The following PARD3 variants were observed in gnomAD, a reference collection of about 807,000 sequenced individuals.
The protein encoded by PARD3 is par-3 family cell polarity regulator.
In PARD3, 75 loss-of-function variants were observed where a neutral mutation model predicts 155.4. That is an observed-to-expected ratio of 0.48 (90% CI 0.40 to 0.58). The LOEUF is 0.58. PARD3 is among the 20% of genes least tolerant of loss of function. The pLI is 0.00. For synonymous variants in PARD3, 576 were observed against 610.5 expected (o/e 0.94, Z 0.83); for missense variants, 1,642 against 1,721.7 (o/e 0.95, Z 0.82).
intron 2 of PARD3, among the ~76,000 whole-genome samples, chr10:34,646,968 T>A (rs1368251047): frequency 6.6e-6 from 1 of 152,244 alleles, no homozygotes; most frequent in East Asian, 1.9e-4. Flanking sequence ...GATGGTCTCA[T>A]AACATGTTTG....
At chr10:34,418,931 A>C (rs987137700) in intron 5 of PARD3, among the ~76,000 whole-genome samples, 2 of 121,684 alleles carry the variant, frequency 1.6e-5, no homozygotes, top group Admixed American at 7.3e-5. Context: ...TCACCATAAC[A>C]GGCTAATTTT....
intron 21 of PARD3, among the ~76,000 whole-genome samples, chr10:34,276,845 C>T (rs1264295684): frequency 1.3e-5 from 2 of 152,112 alleles, no homozygotes; most frequent in South Asian, 2.1e-4. Context: ...TCTCTTTTTA[C>T]ATGTTGTATT....
chr10:34,506,067 G>A (rs974657650), intron 3 of PARD3, among the ~76,000 whole-genome samples: 5 of 151,912 alleles, frequency 3.3e-5, no homozygotes, highest in African/African-American at 9.7e-5. Flanking sequence ...TGGAAGTCGC[G>A]GTGAGCCGAG....
chr10:34,760,336 T>C (rs1369726631), intron 1 of PARD3, among the ~76,000 whole-genome samples: 1 of 152,092 alleles, frequency 6.6e-6, no homozygotes, highest in Non-Finnish European at 1.5e-5. Context: ...TCTACTACTT[T>C]TTTTGTTTGT....
intron 22 of PARD3, among the ~76,000 whole-genome samples, chr10:34,157,150 A>G (rs1266935107): frequency 6.6e-6 from 1 of 152,234 alleles, no homozygotes; most frequent in Non-Finnish European, 1.5e-5. Flanking sequence ...AGAGATCTGC[A>G]CACTTGCTAG....
chr10:34,189,010 G>A (rs1307690818), intron 22 of PARD3, among the ~76,000 whole-genome samples: 3 of 151,972 alleles, frequency 2.0e-5, no homozygotes, highest in South Asian at 4.2e-4. Flanking sequence ...GAGGTTTTAC[G>A]AGGTCAAAAG....
chr10:34,587,763 T>C (rs987993905), intron 2 of PARD3, among the ~76,000 whole-genome samples: 2 of 152,172 alleles, frequency 1.3e-5, no homozygotes, highest in Admixed American at 1.3e-4. Flanking sequence ...TGTAAAACCA[T>C]GACTAGTTAG....
intron 1 of PARD3, among the ~76,000 whole-genome samples, chr10:34,791,719 A>G (rs1379346509): frequency 6.6e-6 from 1 of 152,096 alleles, no homozygotes; most frequent in African/African-American, 2.4e-5. Context: ...TAGTCACTGT[A>G]GTCCTAGCAC....
intron 22 of PARD3, among the ~76,000 whole-genome samples, chr10:34,196,698 C>T (rs1051406932): frequency 1.3e-5 from 2 of 151,582 alleles, no homozygotes; most frequent in Non-Finnish European, 2.9e-5. Flanking sequence ...CTCAGCCTCC[C>T]GAGTAGCTGG....
chr10:34,411,956 G>A lies in PARD3; in HGVS notation c.715-10039C>T, dbSNP rs932170129. 6.7e-3 allele frequency among the ~76,000 whole-genome samples: 767 copies of A among 114,066 alleles called. 12 individuals are homozygous for A. Among genetic ancestry groups the A allele is most frequent in the African/African-American group, 0.025 (735 of 29,526 alleles). 74.8% of individuals were successfully genotyped at this position (114,066 alleles called of 152,430 possible). ...TGTGTGTGTGTGTGTGTGTGTGTGT[G>A]TGTGTGTATTTCCTCCTTTTTTAAG... On this transcript the variant is annotated intron_variant, in intron 5 of 24. Coordinates refer to ENST00000374788, the MANE Select transcript of PARD3 (RefSeq NM_001184785.2).
chr10:34,360,336 G>A, intron 12 of PARD3, 77 bp from the exon 13 acceptor site: 1 of 1,053,154 alleles, frequency 9.5e-7, no homozygotes. Flanking sequence ...GACTGCTAAT[G>A]AGCAGTTCCT....
intron 22 of PARD3, among the ~76,000 whole-genome samples, chr10:34,185,553 T>A (rs1262008220): frequency 6.6e-6 from 1 of 152,142 alleles, no homozygotes; most frequent in African/African-American, 2.4e-5. Context: ...GTTCATGGGC[T>A]CATATCTCAA....
At chr10:34,541,413 T>C (rs1266420866) in intron 2 of PARD3, among the ~76,000 whole-genome samples, 1 of 152,236 alleles carries the variant, frequency 6.6e-6, no homozygotes, top group East Asian at 1.9e-4. Context: ...TCTATATTCC[T>C]GAAGGGACAA....
chr10:34,272,519 C>T (rs1955669136), intron 21 of PARD3, among the ~76,000 whole-genome samples: 1 of 152,098 alleles, frequency 6.6e-6, no homozygotes, highest in African/African-American at 2.4e-5. Context: ...TGCTTGAGCC[C>T]AGGAGTTCTA....
chr10:34,766,295 G>C (rs993034195), intron 1 of PARD3, among the ~76,000 whole-genome samples: 11 of 152,136 alleles, frequency 7.2e-5, no homozygotes, highest in Non-Finnish European at 1.0e-4. Context: ...ACACTAGCAG[G>C]TCAGAAGTGG....
At chr10:34,558,179 A>G (rs1786315723) in intron 2 of PARD3, among the ~76,000 whole-genome samples, 1 of 152,150 alleles carries the variant, frequency 6.6e-6, no homozygotes, top group South Asian at 2.1e-4. Context: ...AAAAAAGTTG[A>G]ATACGTAATT....
chr10:34,312,283 G>T (rs935075879), intron 20 of PARD3: 2 of 1,604,540 alleles, frequency 1.2e-6, no homozygotes, highest in Non-Finnish European at 1.7e-6. Context: ...TAAATTTATT[G>T]TTTGTTTAAA....
intron 2 of PARD3, among the ~76,000 whole-genome samples, chr10:34,656,198 G>T (rs1413178929): frequency 1.3e-5 from 2 of 151,978 alleles, no homozygotes; most frequent in Non-Finnish European, 2.9e-5. Flanking sequence ...ATGTTAATGG[G>T]CTTCTCTTAG....
intron 2 of PARD3, among the ~76,000 whole-genome samples, chr10:34,571,167 C>G (rs2086364252): frequency 6.6e-6 from 1 of 152,000 alleles, no homozygotes; most frequent in Admixed American, 6.6e-5. Context: ...TAAAAATTAG[C>G]TGGGGGTAGT....
Sources: gnomAD v4.1 joint callset for allele counts (sites outside exome capture counted in the v4.1 genomes callset) on GRCh38, gnomAD v4.1.1 for gene constraint, MANE v1.5 for transcripts, NCBI Gene and HGNC (gene_info 2026-07-23, HGNC 2026-07-21) for gene names.